STOX2: variants seen among roughly 807,000 people sequenced by gnomAD.
STOX2 encodes storkhead-box protein 2.
Under a neutral mutation model 60.9 loss-of-function variants are expected in STOX2, and 28 were observed. That is an observed-to-expected ratio of 0.46 (90% CI 0.34 to 0.63). The LOEUF is 0.63. STOX2 is among the 30% of genes least tolerant of loss of function. The probability of loss-of-function intolerance (pLI) is 0.01; values close to 1 mark genes in which losing one functional copy is unlikely to be tolerated. For missense variants in STOX2, 1,024 were observed against 1,187.7 expected, an observed-to-expected ratio of 0.86 and a Z score of 2.03; for synonymous variants, 472 against 463.9, an observed-to-expected ratio of 1.02 and a Z score of -0.22.
intron 1 of STOX2, among the ~76,000 whole-genome samples, chr4:183,850,266 C>T (rs1042707863): frequency 6.6e-6 from 1 of 151,918 alleles, no homozygotes; most frequent in Admixed American, 6.6e-5. Context: ...AGCCACCACA[C>T]CCAGCCTGCA....
intron 1 of STOX2, among the ~76,000 whole-genome samples, chr4:183,827,226 G>T (rs975557710): frequency 6.6e-6 from 1 of 152,140 alleles, no homozygotes; most frequent in African/African-American, 2.4e-5. Flanking sequence ...GCATGGGTGC[G>T]GTGGCTCACA....
At position 183,907,862 on chromosome 4, in the gene STOX2, C is replaced by T. The variant is rs537756007; in HGVS notation, c.166+906C>T. 2.6e-5 allele frequency among the ~76,000 whole-genome samples: 4 copies of T among 152,288 alleles called. 1 individual carries two copies. The South Asian group carries it at 8.3e-4, about 32-fold the overall frequency. ...TTGGATGTAATGATGTGTAAGGCATCGGTTCTTATTTATTTTTCATTCAGA... is the reference window on the plus strand; with the variant it reads ...TTGGATGTAATGATGTGTAAGGCATTGGTTCTTATTTATTTTTCATTCAGA... On this transcript the variant is annotated intron_variant, in intron 1 of 3. Transcript: ENST00000308497.
chr4:183,936,345 CTTTG>C (rs1315869071), intron 1 of STOX2, among the ~76,000 whole-genome samples: 4 of 151,930 alleles, frequency 2.6e-5, no homozygotes, highest in African/African-American at 4.8e-5. Context: ...CACCGCTTTT[CTTTG>C]TTTGTAAGGC....
rs1734558892 is a variant in STOX2, at chr4:184,020,839, C to G, written c.*3555C>G. 6.6e-6 allele frequency: 1 copy of G among 152,130 alleles called. No individual in the cohort carries two copies. Among genetic ancestry groups the G allele is most frequent in the East Asian group, 1.9e-4 (1 of 5,200 alleles). 9.4% of individuals were successfully genotyped at this position (152,130 alleles called of 1,614,324 possible). On this transcript the variant is annotated 3_prime_UTR_variant, in exon 4 of 4. Coordinates refer to ENST00000308497, the MANE Select transcript of STOX2 (RefSeq NM_020225.3). ...TCCGGAGTAACAATGATCTGAACAC[C>G]AGCTGTTCCCAGGTCCCTCTTTTTC...
intron 1 of STOX2, among the ~76,000 whole-genome samples, chr4:183,895,605 C>G (rs1490017125): frequency 6.6e-6 from 1 of 152,228 alleles, no homozygotes; most frequent in African/African-American, 2.4e-5. Flanking sequence ...GATATGTGTA[C>G]TGTTGTCTCC....
At chr4:183,843,675 C>T (rs1739921146) in intron 1 of STOX2, among the ~76,000 whole-genome samples, 1 of 152,176 alleles carries the variant, frequency 6.6e-6, no homozygotes, top group Non-Finnish European at 1.5e-5. Context: ...ATAATTTTCA[C>T]ATATGATGAA....
At chr4:183,904,903 A>G (rs1311156574), upstream of STOX2, among the ~76,000 whole-genome samples, 1 of 152,244 alleles carries the variant, frequency 6.6e-6, no homozygotes, top group African/African-American at 2.4e-5. Flanking sequence ...TTAGAAGCAT[A>G]TCCCTATAAA....
At chr4:183,804,632 G>T (rs1738843848) in intron 1 of STOX2, among the ~76,000 whole-genome samples, 1 of 152,172 alleles carries the variant, frequency 6.6e-6, no homozygotes, top group African/African-American at 2.4e-5. Context: ...TCCTAAAGAA[G>T]CTTATCTCTT....
At chr4:183,892,846 AGCATG>A (rs3041841) in intron 1 of STOX2, among the ~76,000 whole-genome samples, 137,391 of 152,100 alleles carry the variant, frequency 0.9, 62,595 homozygotes, top group Admixed American at 0.96. Flanking sequence ...GGTAACAGTT[AGCATG>A]TAGGTTGTGA....
rs11283394 is a variant in STOX2, at chr4:183,825,732, C to CAGCTCG, written c.364+27677_364+27678insAGCTCG. 0.064 allele frequency among the ~76,000 whole-genome samples: 9,728 copies of CAGCTCG among 152,090 alleles called. 994 individuals carry two copies. Among genetic ancestry groups the CAGCTCG allele is most frequent in the African/African-American group, 0.22 (9,106 of 41,430 alleles). The stretch of plus-strand genomic sequence containing the variant: ...CTAGTGGAGCAGGAGTCAGGGTCAG[C>CAGCTCG]GAGGTGGCTGGGGCTGGACTTTGCC... On this transcript the variant is annotated intron_variant, in intron 1 of 2. Coordinates refer to the STOX2 transcript ENST00000513034. The surrounding 1 kb of genome is among the most constrained non-coding windows in gnomAD (Gnocchi z 4.1).
intron 1 of STOX2, among the ~76,000 whole-genome samples, chr4:183,873,358 A>G (rs1431295353): frequency 4.6e-5 from 7 of 151,254 alleles, no homozygotes; most frequent in African/African-American, 1.7e-4. Context: ...AGGCAGGAGA[A>G]TCGCTTGAAT....
At chr4:183,903,979 G>T (rs1204641154), upstream of STOX2, among the ~76,000 whole-genome samples, 3 of 152,208 alleles carry the variant, frequency 2.0e-5, no homozygotes, top group African/African-American at 7.2e-5. Flanking sequence ...TGTGGAATCA[G>T]TGGGAGCCCT....
intron 1 of STOX2, among the ~76,000 whole-genome samples, chr4:183,884,813 T>C (rs1432876561): frequency 6.6e-6 from 1 of 152,154 alleles, no homozygotes; most frequent in Admixed American, 6.5e-5. Flanking sequence ...CCAGATTGTC[T>C]GCCTTAGAGA....
At chr4:183,930,583 CTT>C (rs1579431322) in intron 1 of STOX2, among the ~76,000 whole-genome samples, 1 of 151,264 alleles carries the variant, frequency 6.6e-6, no homozygotes, top group Non-Finnish European at 1.5e-5. Flanking sequence ...GTCTCCAACT[CTT>C]TTGTTCAAGC....
At chr4:183,985,886 A>G (rs1732818947) in intron 1 of STOX2, among the ~76,000 whole-genome samples, 1 of 152,228 alleles carries the variant, frequency 6.6e-6, no homozygotes, top group African/African-American at 2.4e-5. Flanking sequence ...GTCTGACCTT[A>G]CAGTGATCAG....
chr4:183,805,246 A>T (rs761302231), intron 1 of STOX2, among the ~76,000 whole-genome samples: 39 of 152,284 alleles, frequency 2.6e-4, no homozygotes, highest in Non-Finnish European at 2.4e-4. Context: ...AAGTTTGGAG[A>T]TTGTACTTGT....
chr4:183,809,741 C>T (rs1738994537), intron 1 of STOX2, among the ~76,000 whole-genome samples: 1 of 152,186 alleles, frequency 6.6e-6, no homozygotes, highest in Non-Finnish European at 1.5e-5. Flanking sequence ...TGGAGAAATA[C>T]AGAGATTTGT....
At chr4:183,822,152 G>A (rs1008745515) in intron 1 of STOX2, among the ~76,000 whole-genome samples, 4 of 152,222 alleles carry the variant, frequency 2.6e-5, no homozygotes, top group African/African-American at 9.7e-5. Context: ...CACAAGCCTA[G>A]ATGGGATTCC....
intron 1 of STOX2, among the ~76,000 whole-genome samples, chr4:183,859,781 A>C (rs1740388223): frequency 6.6e-6 from 1 of 152,234 alleles, no homozygotes; most frequent in South Asian, 2.1e-4. Flanking sequence ...GATCCAAATG[A>C]TCTTACCGAA....
Sources: gnomAD v4.1 joint callset for allele counts (sites outside exome capture counted in the v4.1 genomes callset) on GRCh38, gnomAD v4.1.1 for gene constraint, Gnocchi (gnomAD v3.1) non-coding constraint, MANE v1.5 for transcripts, NCBI Gene and HGNC (gene_info 2026-07-23, HGNC 2026-07-21) for gene names.